COL5A1: variants seen among roughly 807,000 people sequenced by gnomAD.
COL5A1 encodes the protein collagen alpha-1(V) chain.
A neutral mutation model predicts 263.7 loss-of-function variants in COL5A1; 16 were observed. The ratio of observed to expected loss-of-function variants is 0.06; its 90% CI spans 0.04 to 0.09. The LOEUF (loss-of-function observed/expected upper bound fraction) is 0.09. COL5A1 is among the 10% of genes least tolerant of loss of function. The pLI is 1.00. For missense variants in COL5A1, 2,036 were observed against 2,540.5 expected (o/e 0.80, Z 4.27); for synonymous variants, 1,012 against 1,004.5 (o/e 1.01, Z -0.14).
intron 32 of COL5A1, among the ~76,000 whole-genome samples, chr9:134,790,587 C>CATCT (rs1203824904): frequency 8.5e-5 from 8 of 94,026 alleles, no homozygotes; most frequent in African/African-American, 3.8e-4. Flanking sequence ...TCCATCCATC[C>CATCT]ATCTATCCAT....
chr9:134,817,846 A>G lies in COL5A1; in HGVS notation c.4230+15A>G, dbSNP rs1287144151. 5.6e-6 allele frequency: 9 copies of G among 1,596,130 alleles called. No individual in the cohort carries two copies. The African/African-American group carries it at 1.2e-4, about 21-fold the overall frequency. On this transcript the variant is annotated intron_variant, in intron 54 of 65. Transcript: ENST00000371817. ...AAGGGGCCAAGGTAACGTGTTTTGG[A>G]GCCAGGCTGTGACCGCGTAGACCTC...
chr9:134,725,409 G>C (rs1278839017), intron 4 of COL5A1, among the ~76,000 whole-genome samples: 1 of 152,188 alleles, frequency 6.6e-6, no homozygotes, highest in Non-Finnish European at 1.5e-5. Flanking sequence ...CGTCATCACT[G>C]TCATTACTAT....
intron 4 of COL5A1, among the ~76,000 whole-genome samples, chr9:134,720,790 C>A (rs1339846517): frequency 6.6e-6 from 1 of 152,172 alleles, no homozygotes; most frequent in Non-Finnish European, 1.5e-5. Context: ...TCTCCACATG[C>A]TGACCTGGCT....
chr9:134,724,885 G>A (rs1834591481), intron 4 of COL5A1, among the ~76,000 whole-genome samples: 1 of 150,778 alleles, frequency 6.6e-6, no homozygotes, highest in Admixed American at 6.6e-5. Context: ...ACCAGGCTCG[G>A]GTGAACCAGG....
rs543422780 is a variant in COL5A1, at chr9:134,723,612, A to G, written c.655-3654A>G. Among the ~76,000 whole-genome samples the G allele has an allele frequency of 2.6e-5, 4 of 152,268 alleles. No individual in the cohort carries two copies. The South Asian group carries it at 8.3e-4, about 32-fold the overall frequency. On this transcript the variant is annotated intron_variant, in intron 4 of 65. Coordinates refer to ENST00000371817, the MANE Select transcript of COL5A1 (RefSeq NM_000093.5). ...GGAGGTGACAGAAATTTCCCTTGTG[A>G]GTCCTGAGTCCTGCAAGGGAACGGG...
intron 11 of COL5A1, among the ~76,000 whole-genome samples, chr9:134,747,828 TAC>T (rs200746666): frequency 1.6e-5 from 1 of 62,382 alleles, no homozygotes; most frequent in Non-Finnish European, 3.0e-5. Flanking sequence ...CATGCGTTCA[TAC>T]ACATGCAGAC....
At chr9:134,668,988 C>CATCCATCT (rs1832444361) in intron 1 of COL5A1, among the ~76,000 whole-genome samples, 1 of 150,826 alleles carries the variant, frequency 6.6e-6, no homozygotes, top group Non-Finnish European at 1.5e-5. Flanking sequence ...TCCATCCATC[C>CATCCATCT]ACCCACCCAC....
rs145027967 is a variant in COL5A1, at chr9:134,835,353, T to G, written c.5370+149T>G. 540 of 697,884 alleles carry G rather than the reference T, an allele frequency of 7.7e-4. 1 individual carries two copies. In the African/African-American group the frequency reaches 8.7e-3, roughly 11 times the overall value. 43.2% of individuals were successfully genotyped at this position (697,884 alleles called of 1,614,324 possible). ...CTCTCGCCCCAGGCAGCCCCACAGT[T>G]GCAGGGAGACTAGGAATCCCAGGCC... On this transcript the variant is annotated intron_variant, in intron 65 of 65. Coordinates refer to ENST00000371817, the MANE Select transcript of COL5A1 (RefSeq NM_000093.5).
intron 32 of COL5A1, among the ~76,000 whole-genome samples, chr9:134,792,849 GCGCACA>G (rs1837756717): frequency 2.8e-5 from 4 of 140,738 alleles, no homozygotes; most frequent in Non-Finnish European, 4.8e-5. Context: ...ATGTGTGTGT[GCGCACA>G]CGTGTGTGTG....
chr9:134,708,974 C>T (rs557290476), intron 4 of COL5A1: 19 of 456,524 alleles, frequency 4.2e-5, no homozygotes, highest in Non-Finnish European at 7.5e-5. Flanking sequence ...CTCTCTTCCC[C>T]CTGTGTCTCT....
At chr9:134,830,813 A>G (rs1333635413) in intron 64 of COL5A1, among the ~76,000 whole-genome samples, 1 of 152,198 alleles carries the variant, frequency 6.6e-6, no homozygotes, top group Non-Finnish European at 1.5e-5. Context: ...AGTGCCCAAG[A>G]GCCAGTTTGG....
Position 134,757,104 on chromosome 9 carries a change from C to T in COL5A1, c.1881+286C>T, listed in dbSNP as rs750424365. On this transcript the variant is annotated intron_variant, in intron 17 of 65. Coordinates refer to ENST00000371817, the MANE Select transcript of COL5A1 (RefSeq NM_000093.5). The surrounding 1 kb of genome is among the most constrained non-coding windows in gnomAD (Gnocchi z 6.2). ...AAACCATCCGTGGCCGTGCAGGTGA[C>T]GAGGCGCATGTAGGGCAGAGGCGGG... is the stretch of plus-strand genomic sequence containing the variant. 5.3e-5 allele frequency among the ~76,000 whole-genome samples: 8 copies of T among 152,002 alleles called. No homozygotes were observed. The highest frequency in any genetic ancestry group is 1.5e-4 in the African/African-American group (6 of 41,372).
At chr9:134,673,457 C>T (rs1832598819) in intron 1 of COL5A1, among the ~76,000 whole-genome samples, 1 of 126,288 alleles carries the variant, frequency 7.9e-6, no homozygotes, top group Non-Finnish European at 1.6e-5. Context: ...GAGACTCCAT[C>T]TCAAAAAAAA....
chr9:134,839,264 G>T (rs755669325), intron 65 of COL5A1, among the ~76,000 whole-genome samples: 1 of 152,232 alleles, frequency 6.6e-6, no homozygotes, highest in Non-Finnish European at 1.5e-5. Context: ...AGCTTTCGGC[G>T]CCTCTGGGGG....
At chr9:134,694,923 A>G (rs1833407191) in intron 2 of COL5A1, among the ~76,000 whole-genome samples, 3 of 152,110 alleles carry the variant, frequency 2.0e-5, no homozygotes, top group Non-Finnish European at 4.4e-5. Flanking sequence ...CCACGTCCCC[A>G]CTGGGGGCCC....
At chr9:134,663,186 CGTGTG>C (rs1448236485) in intron 1 of COL5A1, among the ~76,000 whole-genome samples, 1 of 152,230 alleles carries the variant, frequency 6.6e-6, no homozygotes, top group Non-Finnish European at 1.5e-5. Context: ...GAAGGAGGGC[CGTGTG>C]GGCCAAGAAA....
chr9:134,775,957 CCCCT>C (rs1837038509), intron 27 of COL5A1, among the ~76,000 whole-genome samples: 1 of 152,212 alleles, frequency 6.6e-6, no homozygotes, highest in Admixed American at 6.5e-5. Flanking sequence ...TGGCTGGTCA[CCCCT>C]CACCTGCTCT....
intron 4 of COL5A1, among the ~76,000 whole-genome samples, chr9:134,703,568 C>G: frequency 6.6e-6 from 1 of 151,438 alleles, no homozygotes. Flanking sequence ...CCCACCGCTG[C>G]CTGTTGTTCT....
chr9:134,790,959 C>T (rs572901033), intron 32 of COL5A1, among the ~76,000 whole-genome samples: 1 of 152,214 alleles, frequency 6.6e-6, no homozygotes, highest in South Asian at 2.1e-4. Context: ...TGTGTGGGAC[C>T]AGGGACCTCG....
Sources: gnomAD v4.1 joint callset for allele counts (sites outside exome capture counted in the v4.1 genomes callset) on GRCh38, gnomAD v4.1.1 for gene constraint, Gnocchi (gnomAD v3.1) non-coding constraint, MANE v1.5 for transcripts, NCBI Gene and HGNC (gene_info 2026-07-23, HGNC 2026-07-21) for gene names.